The following FMN2 variants were observed in gnomAD, a reference collection of about 807,000 sequenced individuals.
FMN2 encodes formin-2.
Under a neutral mutation model 142.3 loss-of-function variants are expected in FMN2, and 51 were observed. The observed-to-expected ratio is 0.36, with a 90% CI of 0.29 to 0.45. The LOEUF is 0.45. FMN2 is among the 20% of genes least tolerant of loss of function. The pLI, the probability that FMN2 is intolerant of heterozygous loss-of-function variation, is 1.00. For missense variants in FMN2, 1,936 were observed against 2,122.8 expected, an observed-to-expected ratio of 0.91 and a Z score of 1.73; for synonymous variants, 882 against 869.8, an observed-to-expected ratio of 1.01 and a Z score of -0.25.
intron 6 of FMN2, among the ~76,000 whole-genome samples, chr1:240,228,500 G>A (rs1042801794): frequency 6.6e-6 from 1 of 151,872 alleles, no homozygotes; most frequent in Non-Finnish European, 1.5e-5. Flanking sequence ...CCTCACATGT[G>A]CAAGGATGGC....
chr1:240,241,504 G>C (rs545762427), intron 6 of FMN2, among the ~76,000 whole-genome samples: 11 of 152,056 alleles, frequency 7.2e-5, no homozygotes, highest in African/African-American at 2.7e-4. Flanking sequence ...CTTTGGAGTC[G>C]GACTTAGCTG....
chr1:240,169,496 CTG>C (rs1260523713), intron 2 of FMN2, among the ~76,000 whole-genome samples: 1 of 152,172 alleles, frequency 6.6e-6, no homozygotes, highest in Non-Finnish European at 1.5e-5. Flanking sequence ...GACGGTTTCA[CTG>C]TGTCGCCCAG....
At chr1:240,254,471 T>G (rs901501579) in intron 6 of FMN2, among the ~76,000 whole-genome samples, 4 of 151,932 alleles carry the variant, frequency 2.6e-5, no homozygotes, top group Non-Finnish European at 5.9e-5. Flanking sequence ...TTAACATGGT[T>G]AAATGGTCCT....
intron 3 of FMN2, among the ~76,000 whole-genome samples, chr1:240,184,668 G>C (rs918952276): frequency 1.3e-5 from 2 of 152,024 alleles, no homozygotes; most frequent in East Asian, 1.9e-4. Context: ...ATATTCGATG[G>C]AGATGATCAG....
chr1:240,296,438 C>CTTTTTTTTTTGTTTTTTTT (rs1669986678), intron 8 of FMN2, among the ~76,000 whole-genome samples: 1 of 46,910 alleles, frequency 2.1e-5, no homozygotes, highest in African/African-American at 9.9e-5. Flanking sequence ...TCTTTGAGTG[C>CTTTTTTTTTTGTTTTTTTT]TTTTTTTTTT....
At chr1:240,109,620 T>C (rs997490917) in intron 1 of FMN2, among the ~76,000 whole-genome samples, 1 of 152,174 alleles carries the variant, frequency 6.6e-6, no homozygotes, top group Non-Finnish European at 1.5e-5. Context: ...TTTAATATTG[T>C]TTTGAAGAAG....
intron 13 of FMN2, among the ~76,000 whole-genome samples, chr1:240,354,793 G>T (rs953444126): frequency 6.6e-6 from 1 of 152,100 alleles, no homozygotes; most frequent in Non-Finnish European, 1.5e-5. Context: ...AAAGTCTCCT[G>T]GGAGAAATGG....
At position 240,146,573 on chromosome 1, in the gene FMN2, A is replaced by G. The variant is rs554161051; in HGVS notation, c.1782+23228A>G. Among the ~76,000 whole-genome samples, 7 of 151,718 alleles carry G rather than the reference A, an allele frequency of 4.6e-5. No homozygotes were observed. In the South Asian group the frequency reaches 1.0e-3, roughly 23 times the overall value. On this transcript the variant is annotated intron_variant, in intron 2 of 17. Coordinates refer to ENST00000319653, the MANE Select transcript of FMN2 (RefSeq NM_020066.5). ...CAAAAAATTAGCCGGGCGTGGTGGC[A>G]TGCAACTCTAGTCCCAGTTACTTGA...
At chr1:240,108,760 G>A (rs571564348) in intron 1 of FMN2, among the ~76,000 whole-genome samples, 2 of 152,170 alleles carry the variant, frequency 1.3e-5, no homozygotes. Flanking sequence ...AAGGGGCCTG[G>A]TGCAGTGACT....
intron 15 of FMN2, among the ~76,000 whole-genome samples, chr1:240,426,488 T>C (rs934815047): frequency 6.6e-6 from 1 of 152,182 alleles, no homozygotes; most frequent in Admixed American, 6.5e-5. Context: ...GTATATGCAC[T>C]TGTGATTTTT....
chr1:240,204,746 C>T (rs920479779), intron 4 of FMN2, among the ~76,000 whole-genome samples: 1 of 151,384 alleles, frequency 6.6e-6, no homozygotes, highest in South Asian at 2.1e-4. Context: ...AGCGAAACTC[C>T]GTCGCAAAAA....
chr1:240,456,687 C>A (rs148313923), intron 16 of FMN2, among the ~76,000 whole-genome samples: 12,124 of 152,212 alleles, frequency 0.08, 647 homozygotes, highest in Middle Eastern at 0.14. Flanking sequence ...AACTCCCGAC[C>A]TCAGGTGATT....
chr1:240,232,506 A>T (rs1305473737), intron 6 of FMN2, among the ~76,000 whole-genome samples: 2 of 152,176 alleles, frequency 1.3e-5, no homozygotes, highest in Non-Finnish European at 2.9e-5. Flanking sequence ...TGATGTTTCT[A>T]ACAGGAAAGA....
intron 5 of FMN2, among the ~76,000 whole-genome samples, chr1:240,209,858 C>G (rs373690020): frequency 1.3e-5 from 2 of 151,756 alleles, no homozygotes; most frequent in African/African-American, 4.8e-5. Context: ...GAGCCGAGAT[C>G]GCGCCACTGC....
intron 17 of FMN2, 41 bp downstream of exon 17, chr1:240,472,494 T>G: frequency 4.4e-6 from 6 of 1,349,004 alleles, no homozygotes; most frequent in Non-Finnish European, 6.2e-6. Context: ...TTCTTTGGCT[T>G]TTAAATCCTA....
rs2103347925 is a variant in FMN2 at position 240,188,187 on chromosome 1, C to G, written c.1931-20C>G. ...AATTGTCCTTTAAGATACTGACTGTCTGCTTCCTTTCCAATCTAGAATCTC... is the reference window on the plus strand; with the variant it reads ...AATTGTCCTTTAAGATACTGACTGTGTGCTTCCTTTCCAATCTAGAATCTC... On this transcript the variant is annotated intron_variant, in intron 3 of 17. Transcript: ENST00000319653. The G allele has an allele frequency of 6.2e-7, 1 of 1,613,024 alleles. No homozygotes were observed. The highest frequency in any genetic ancestry group is 8.5e-7 in the Non-Finnish European group (1 of 1,179,336).
chr1:240,156,527 C>T (rs900693365), intron 2 of FMN2, among the ~76,000 whole-genome samples: 2 of 152,054 alleles, frequency 1.3e-5, no homozygotes, highest in Non-Finnish European at 1.5e-5. Context: ...GTTCCAGTAA[C>T]GCTGTGAAGG....
chr1:240,160,728 C>CTT (rs1272851130), intron 2 of FMN2, among the ~76,000 whole-genome samples: 2 of 151,910 alleles, frequency 1.3e-5, no homozygotes, highest in Non-Finnish European at 2.9e-5. Context: ...TATTACCACT[C>CTT]TGTCTTGTAC....
At chr1:240,220,317 CAT>C (rs1483194721) in intron 6 of FMN2, among the ~76,000 whole-genome samples, 1 of 152,174 alleles carries the variant, frequency 6.6e-6, no homozygotes, top group Non-Finnish European at 1.5e-5. Context: ...CTACTCTAGA[CAT>C]GTGTGGCCAA....
Sources: allele counts gnomAD v4.1 joint callset (sites outside exome capture counted in the v4.1 genomes callset), GRCh38; gene constraint gnomAD v4.1.1; transcripts MANE v1.5; gene names NCBI Gene and HGNC (gene_info 2026-07-23, HGNC 2026-07-21).